Variants in BFSP2 observed in about 807,000 individuals in gnomAD.
BFSP2 encodes the protein phakinin.
BFSP2 carries 38 observed loss-of-function variants against 44.9 expected under a neutral mutation model. That is an observed-to-expected ratio of 0.85 (90% CI 0.65 to 1.11). The LOEUF (loss-of-function observed/expected upper bound fraction) is 1.11, where lower values mean the gene tolerates loss of function less well. BFSP2 is among the 50% of genes least tolerant of loss of function. BFSP2 has a pLI of 0.00. For synonymous variants in BFSP2, 197 were observed against 209.9 expected, an observed-to-expected ratio of 0.94 and a Z score of 0.53; for missense variants, 525 against 533.0, an observed-to-expected ratio of 0.99 and a Z score of 0.15.
Position 133,450,395 on chromosome 3 carries a change from G to A in BFSP2, c.822G>A (p.Thr274=), listed in dbSNP as rs777516079. Residue 274 remains threonine (T), a synonymous_variant, in exon 4 of 7, where the codon ACG becomes ACA. Coordinates refer to ENST00000302334, the MANE Select transcript of BFSP2 (RefSeq NM_003571.4). ...IGTGLDDILE[T]IRIQWERDVE... The stretch of plus-strand genomic sequence containing the variant: ...CTGGTCTGGACGACATCCTTGAGAC[G>A]ATCAGAATTCAGTGGGAGAGAGATG... 1.1e-4 allele frequency: 170 copies of A among 1,614,158 alleles called. 4 individuals carry two copies. The South Asian group carries it at 1.7e-3, about 16-fold the overall frequency.
At chr3:133,421,909 C>G (rs2073596017) in intron 1 of BFSP2, among the ~76,000 whole-genome samples, 2 of 152,072 alleles carry the variant, frequency 1.3e-5, no homozygotes, top group Admixed American at 1.3e-4. Flanking sequence ...GAGATCAAGA[C>G]CATCCTGGCC....
intron 1 of BFSP2, among the ~76,000 whole-genome samples, chr3:133,442,175 T>A (rs774129413): frequency 1.3e-5 from 2 of 152,230 alleles, no homozygotes; most frequent in Non-Finnish European, 2.9e-5. Flanking sequence ...ACTTTCACTC[T>A]GTCTCTCAGG....
At chr3:133,450,193 G>T (rs903840795) in intron 3 of BFSP2, 110 bp from the exon 4 acceptor site, 9 of 1,242,024 alleles carry the variant, frequency 7.2e-6, no homozygotes, top group African/African-American at 1.5e-5. Flanking sequence ...GTGTCTGGCA[G>T]TTGTGGAATG....
At chr3:133,413,432 A>G (rs1180614539) in intron 1 of BFSP2, among the ~76,000 whole-genome samples, 1 of 152,146 alleles carries the variant, frequency 6.6e-6, no homozygotes, top group Non-Finnish European at 1.5e-5. Flanking sequence ...AGCTAAATTA[A>G]AACTAATCCA....
intron 1 of BFSP2, among the ~76,000 whole-genome samples, chr3:133,403,082 GAGGCCCCCACC>G (rs1277284382): frequency 6.6e-6 from 1 of 152,112 alleles, no homozygotes; most frequent in Non-Finnish European, 1.5e-5. Context: ...GGAGCTGCAG[GAGGCCCCCACC>G]AGGCCCCCAC....
At chr3:133,466,380 A>T (rs1019108805) in intron 4 of BFSP2, among the ~76,000 whole-genome samples, 5 of 149,338 alleles carry the variant, frequency 3.3e-5, no homozygotes, top group Non-Finnish European at 4.4e-5. Context: ...GGACCTGTTT[A>T]AAAAAAAAGA....
chr3:133,402,817 A>G (rs546564480), intron 1 of BFSP2, among the ~76,000 whole-genome samples: 1 of 151,710 alleles, frequency 6.6e-6, no homozygotes, highest in East Asian at 1.9e-4. Flanking sequence ...ATTTTTTTGC[A>G]TTTTTAATGG....
chr3:133,434,038 T>A (rs2073756258), intron 1 of BFSP2, among the ~76,000 whole-genome samples: 1 of 152,228 alleles, frequency 6.6e-6, no homozygotes. Flanking sequence ...GCCCTGCTCT[T>A]GTTTACACTG....
chr3:133,448,238 T>C (rs185396527), intron 2 of BFSP2, among the ~76,000 whole-genome samples: 1 of 152,340 alleles, frequency 6.6e-6, no homozygotes, highest in Admixed American at 6.5e-5. Flanking sequence ...TCCCTGGAGT[T>C]CTGTGTTGCA....
rs140706827 is a variant in BFSP2 at position 133,438,082 on chromosome 3, T to C, written c.490-9235T>C. 5.3e-5 allele frequency among the ~76,000 whole-genome samples: 8 copies of C among 152,358 alleles called. No individual in the cohort carries two copies. In the East Asian group the frequency reaches 1.5e-3, roughly 29 times the overall value. ...ATAGTTGATACAAGAAATAGAGTTC[T>C]ATTATTTAAAGTGATCAAAACAGCC... On this transcript the variant is annotated intron_variant, in intron 1 of 6. Transcript: ENST00000302334.
intron 1 of BFSP2, chr3:133,410,271 C>A (rs901808106): frequency 5.4e-6 from 2 of 373,756 alleles, no homozygotes; most frequent in African/African-American, 4.3e-5. Context: ...AGAAACAGTC[C>A]TCAGGCTTAC....
At chr3:133,450,005 GGAAGGAAGGAA>G (rs2073944635) in intron 3 of BFSP2, among the ~76,000 whole-genome samples, 5 of 121,210 alleles carry the variant, frequency 4.1e-5, no homozygotes, top group Admixed American at 1.7e-4. Context: ...AAGGAAGGAA[GGAAGGAAGGAA>G]GGAGGGAGGG....
At position 133,475,037 on chromosome 3, in the gene BFSP2, T is replaced by C; in HGVS notation, c.*65T>C. 1.3e-6 allele frequency: 2 copies of C among 1,596,516 alleles called. No individual in the cohort carries two copies. Among genetic ancestry groups the C allele is most frequent in the Non-Finnish European group, 8.6e-7 (1 of 1,163,972 alleles). On this transcript the variant is annotated 3_prime_UTR_variant, in exon 7 of 7. Coordinates refer to ENST00000302334, the MANE Select transcript of BFSP2 (RefSeq NM_003571.4). ...CTCAACAGCTGACCCAAGAAGTTGC[T>C]TGAGGAGCTTTCTCCTGAGCTCCAG...
At chr3:133,459,247 G>A (rs1208575355) in intron 4 of BFSP2, among the ~76,000 whole-genome samples, 2 of 152,142 alleles carry the variant, frequency 1.3e-5, no homozygotes. Context: ...AGGAGGCTGA[G>A]GCAGGAGAAC....
intron 1 of BFSP2, among the ~76,000 whole-genome samples, chr3:133,429,059 T>C (rs964477085): frequency 6.6e-6 from 1 of 152,162 alleles, no homozygotes; most frequent in African/African-American, 2.4e-5. Flanking sequence ...TCAAAGATTT[T>C]AGATATAATT....
intron 4 of BFSP2, among the ~76,000 whole-genome samples, chr3:133,466,455 G>A (rs1177463814): frequency 8.6e-5 from 13 of 151,526 alleles, no homozygotes; most frequent in Admixed American, 5.3e-4. Flanking sequence ...CAAGGCATGC[G>A]GATTACCTGA....
At chr3:133,436,554 G>C (rs2073785173) in intron 1 of BFSP2, among the ~76,000 whole-genome samples, 1 of 152,154 alleles carries the variant, frequency 6.6e-6, no homozygotes, top group Admixed American at 6.5e-5. Flanking sequence ...ATTTGGGTTT[G>C]ACTTGTTTGG....
intron 1 of BFSP2, among the ~76,000 whole-genome samples, chr3:133,416,851 C>A (rs1298396486): frequency 1.4e-5 from 2 of 145,118 alleles, no homozygotes; most frequent in South Asian, 4.6e-4. Flanking sequence ...CTGTTCTCTC[C>A]CCTTTACTCA....
At chr3:133,403,883 G>A (rs1420494210) in intron 1 of BFSP2, among the ~76,000 whole-genome samples, 1 of 152,130 alleles carries the variant, frequency 6.6e-6, no homozygotes, top group Non-Finnish European at 1.5e-5. Flanking sequence ...GCCAGGAGGA[G>A]GGAAACAATT....
Sources: allele counts gnomAD v4.1 joint callset (sites outside exome capture counted in the v4.1 genomes callset), GRCh38; gene constraint gnomAD v4.1.1; transcripts MANE v1.5; gene names NCBI Gene and HGNC (gene_info 2026-07-23, HGNC 2026-07-21).